Variants in ATR observed in about 807,000 individuals in gnomAD.
ATR encodes ATR checkpoint kinase, also known as serine/threonine-protein kinase ATR.
ATR carries 142 observed loss-of-function variants against 305.3 expected under a neutral mutation model. That is an observed-to-expected ratio of 0.47 (90% CI 0.41 to 0.53). ATR has a LOEUF of 0.53. Ranked by LOEUF, ATR falls within the 20% of genes least tolerant of loss-of-function variation. The probability of loss-of-function intolerance (pLI) is 0.00; values close to 1 mark genes in which losing one functional copy is unlikely to be tolerated. For synonymous variants in ATR, 1,050 were observed against 1,068.1 expected, an observed-to-expected ratio of 0.98 and a Z score of 0.33; for missense variants, 2,135 against 3,133.1, an observed-to-expected ratio of 0.68 and a Z score of 7.60.
chr3:142,517,823 C>G (rs1413234356), intron 24 of ATR, among the ~76,000 whole-genome samples: 2 of 152,070 alleles, frequency 1.3e-5, no homozygotes, highest in Non-Finnish European at 2.9e-5. Context: ...AATTCTCCCC[C>G]CAAAAACAAA....
chr3:142,561,372 A>T lies in ATR; in HGVS notation c.1220T>A (p.Ile407Asn). Residue 407 changes from isoleucine (I) to asparagine (N), a missense_variant, in exon 5 of 47, where the codon ATC becomes AAC. Transcript: ENST00000350721. ...YAALKMESMEIIEEIQCQTQQ... is the reference protein window; with the variant it reads ...YAALKMESMENIEEIQCQTQQ... ...AGTTTGGCATTGAATCTCCTCAATG[A>T]TTTCCATACTTTCCATTTTCAAAGC... is the stretch of plus-strand genomic sequence containing the variant. 1 of 1,613,992 alleles carries T rather than the reference A, an allele frequency of 6.2e-7. No individual in the cohort carries two copies. The highest frequency in any genetic ancestry group is 8.5e-7 in the Non-Finnish European group (1 of 1,179,948).
At chr3:142,453,255 T>C (rs755380577) in intron 45 of ATR, 22 bp from the exon 46 acceptor site, 8 of 1,606,262 alleles carry the variant, frequency 5.0e-6, no homozygotes, top group Admixed American at 1.7e-5. Flanking sequence ...ACAAATATTA[T>C]GGTATGATGT....
chr3:142,528,249 T>C (rs929409671), intron 21 of ATR, among the ~76,000 whole-genome samples: 1 of 152,218 alleles, frequency 6.6e-6, no homozygotes, highest in Non-Finnish European at 1.5e-5. Flanking sequence ...TATTATGTTA[T>C]TTAGATCTTC....
chr3:142,462,411 A>G (rs1269864398), intron 41 of ATR, among the ~76,000 whole-genome samples: 2 of 151,836 alleles, frequency 1.3e-5, no homozygotes, highest in African/African-American at 4.8e-5. Context: ...TTTATTTTCT[A>G]TTGCTTTATA....
chr3:142,492,210 T>TAGAATGCTCCATA (rs1240183989), intron 35 of ATR, among the ~76,000 whole-genome samples: 17 of 152,160 alleles, frequency 1.1e-4, no homozygotes, highest in Non-Finnish European at 2.1e-4. Context: ...GTGTGGCCCT[T>TAGAATGCTCCATA]TTAAGGTCTT....
intron 2 of ATR, among the ~76,000 whole-genome samples, chr3:142,566,806 T>G (rs1311183583): frequency 6.6e-6 from 1 of 151,822 alleles, no homozygotes; most frequent in Non-Finnish European, 1.5e-5. Context: ...TGTAGTGGTG[T>G]GATCTTGGCT....
rs760971938 is a variant in ATR, at chr3:142,562,576, A to C, written c.826T>G (p.Leu276Val). ...ASTFFSSFLE[L>V]LKHLVEMDTD... is the part of the protein sequence containing the mutation. ...TCCATTTCTACAAGGTGTTTTAATAATTCCAAAAATGAGCTGAAAAAAGTG... is the reference window on the plus strand; with the variant it reads ...TCCATTTCTACAAGGTGTTTTAATACTTCCAAAAATGAGCTGAAAAAAGTG... Residue 276 changes from leucine (L) to valine (V), a missense_variant, in exon 4 of 47, where the codon TTA becomes GTA. By Grantham distance (32) the Leu-to-Val change is conservative. Around this residue, in one of 9 missense-constraint regions of ATR, gnomAD observed 744 missense variants for 873.2 expected, o/e 0.85. Transcript: ENST00000350721. 1 of 1,613,970 alleles carries C rather than the reference A, an allele frequency of 6.2e-7. No individual in the cohort carries two copies. The highest frequency in any genetic ancestry group is 1.1e-5 in the South Asian group (1 of 91,054).
chr3:142,475,554 A>G (rs2108290392), intron 36 of ATR, among the ~76,000 whole-genome samples: 1 of 152,294 alleles, frequency 6.6e-6, no homozygotes, highest in South Asian at 2.1e-4. Context: ...GCCGCAATAA[A>G]CATACATGTG....
chr3:142,560,568 T>A, intron 5 of ATR, 114 bp from the exon 6 acceptor site: 1 of 1,021,226 alleles, frequency 9.8e-7, no homozygotes, highest in East Asian at 2.7e-5. Context: ...AAAAAAATTT[T>A]TTTTTTTTGT....
chr3:142,451,175 A>G lies in ATR; in HGVS notation c.7762-1573T>C. 3 of 1,196,330 alleles carry G rather than the reference A, an allele frequency of 2.5e-6. No homozygotes were observed. In the South Asian group the frequency reaches 5.0e-5, roughly 20 times the overall value. The allele number at this position is 1,196,330 out of a possible 1,614,324, so 74.1% of individuals were successfully genotyped here. On this transcript the variant is annotated intron_variant, in intron 46 of 46. Coordinates refer to ENST00000350721, the MANE Select transcript of ATR (RefSeq NM_001184.4). ...ATCCACTGAGGAATCTTCCAAAGAA[A>G]ACTTCAACTTGTTGGGGATCGAGGT... is the stretch of plus-strand genomic sequence containing the variant.
intron 1 of ATR, among the ~76,000 whole-genome samples, chr3:142,575,173 C>CT (rs1467962760): frequency 6.6e-6 from 1 of 152,156 alleles, no homozygotes; most frequent in Admixed American, 6.5e-5. Context: ...ACTCATACCA[C>CT]TCCCCTCTTT....
chr3:142,508,012 T>C lies in ATR; in HGVS notation c.4950A>G (p.Ala1650=), dbSNP rs149940145. ...TLAVASFRSK[A]YTRAVMHFES... ...CAAAGTGCATTACAGCTCGTGTGTA[T>C]GCTTTGGAGCGAAAGGAAGCTACTG... is the stretch of plus-strand genomic sequence containing the variant. Residue 1650 remains alanine, a synonymous_variant, in exon 28 of 47, where the codon GCA becomes GCG. Transcript: ENST00000350721. 5.6e-6 allele frequency: 9 copies of C among 1,613,526 alleles called. No homozygotes were observed. Among genetic ancestry groups the C allele is most frequent in the South Asian group, 2.2e-5 (2 of 91,052 alleles).
chr3:142,495,293 T>C (rs962193805), intron 34 of ATR, among the ~76,000 whole-genome samples: 3 of 152,208 alleles, frequency 2.0e-5, no homozygotes, highest in Non-Finnish European at 2.9e-5. Flanking sequence ...AAACCTCTCC[T>C]GTCCTTTCTC....
chr3:142,493,056 G>A (rs2031383151), intron 35 of ATR, 76 bp downstream of exon 35: 1 of 1,499,916 alleles, frequency 6.7e-7, no homozygotes, highest in Non-Finnish European at 9.1e-7. Context: ...TTTTATACAT[G>A]TGCTTTGCCA....
chr3:142,508,148 A>C (rs199734908), intron 27 of ATR, 39 bp from the exon 28 acceptor site: 2 of 1,541,660 alleles, frequency 1.3e-6, no homozygotes, highest in Admixed American at 3.7e-5. Context: ...AAGACTTATA[A>C]GATAAAATTT....
chr3:142,513,427 CCTTT>C (rs1219979587), intron 26 of ATR, 70 bp downstream of exon 26: 12 of 1,533,812 alleles, frequency 7.8e-6, no homozygotes, highest in South Asian at 1.1e-5. Context: ...TAATAGGTAG[CCTTT>C]CTAATACTAA....
Position 142,535,200 on chromosome 3 carries a change from G to A in ATR, c.3825C>T (p.Thr1275=), listed in dbSNP as rs770718443. 1 of 1,612,944 alleles carries A rather than the reference G, an allele frequency of 6.2e-7. No individual in the cohort carries two copies. The highest frequency in any genetic ancestry group is 1.7e-5 in the Admixed American group (1 of 59,954). The change falls in exon 21 of 47, where the codon ACC becomes ACT. Residue 1275 remains threonine (T), a synonymous_variant. Coordinates refer to ENST00000350721, the MANE Select transcript of ATR (RefSeq NM_001184.4). ...TTGTCTGAAGATCAGTGCTCTCAGA[G>A]GTCTCCTATATACAAAGCACAGAGA... is the stretch of plus-strand genomic sequence containing the variant. The part of the protein sequence containing the change: ...KAVLQEYRKE[T]SESTDLQTTL...
At chr3:142,468,104 G>C (rs1157551423) in intron 38 of ATR, 36 bp from the exon 39 acceptor site, 1 of 1,604,518 alleles carries the variant, frequency 6.2e-7, no homozygotes, top group South Asian at 1.1e-5. Context: ...ATAAAAAAGA[G>C]TTTATACAGG....
At chr3:142,481,581 G>C (rs1023709375) in intron 36 of ATR, among the ~76,000 whole-genome samples, 28 of 152,182 alleles carry the variant, frequency 1.8e-4, no homozygotes, top group African/African-American at 6.0e-4. Context: ...GGACTTGTTT[G>C]GTTCACTTTT....
Sources: allele counts gnomAD v4.1 joint callset (sites outside exome capture counted in the v4.1 genomes callset), GRCh38; gene constraint gnomAD v4.1.1; regional missense constraint gnomAD v4.1.1; transcripts MANE v1.5; gene names NCBI Gene and HGNC (gene_info 2026-07-23, HGNC 2026-07-21).